The following TMCO5A variants were observed in gnomAD, a reference collection of about 807,000 sequenced individuals.
TMCO5A encodes transmembrane and coiled-coil domains 5A.
In TMCO5A, 34 loss-of-function variants were observed where a neutral mutation model predicts 42.3. That is an observed-to-expected ratio of 0.80 (90% CI 0.61 to 1.07). The LOEUF is 1.07. Among genes scored for constraint, TMCO5A ranks in the 50% least tolerant of loss-of-function variants. The pLI, the probability that TMCO5A is intolerant of heterozygous loss-of-function variation, is 0.00. For synonymous variants in TMCO5A, 131 were observed against 115.6 expected (o/e 1.13, Z -0.86); for missense variants, 357 against 327.9 (o/e 1.09, Z -0.69).
At chr15:37,994,110 T>C in the TMCO5A span, among the ~76,000 whole-genome samples, 1 of 152,178 alleles carries the variant, frequency 6.6e-6, no homozygotes, top group Non-Finnish European at 1.5e-5. Flanking sequence ...CCATCCAGTC[T>C]TTCTCTGCAG....
intron 11 of TMCO5A, chr15:37,966,522 A>AT: frequency 4.3e-6 from 3 of 699,046 alleles, no homozygotes; most frequent in Non-Finnish European, 7.8e-6. Flanking sequence ...TACCCACAAA[A>AT]TTTTTTTCAG....
intron 3 of TMCO5A, 100 bp from the exon 4 acceptor site, chr15:37,936,747 G>A (rs1889526870): frequency 6.6e-7 from 1 of 1,512,870 alleles, no homozygotes; most frequent in Non-Finnish European, 8.9e-7. Context: ...TGAGATTCAT[G>A]TACACTGTCC....
chr15:37,986,380 G>GGTGTGTGTGTGT, the TMCO5A span, among the ~76,000 whole-genome samples: 951 of 139,276 alleles, frequency 6.8e-3, 8 homozygotes, highest in African/African-American at 0.022. Flanking sequence ...GGTAAGGGAT[G>GGTGTGTGTGTGT]GTGTGTGTGT....
chr15:38,036,833 C>A, the TMCO5A span, among the ~76,000 whole-genome samples: 1 of 152,100 alleles, frequency 6.6e-6, no homozygotes, highest in Non-Finnish European at 1.5e-5. Flanking sequence ...TCCTCCAGGT[C>A]AGGGACTAGT....
downstream of TMCO5A, among the ~76,000 whole-genome samples, chr15:37,968,941 G>A (rs1890620574): frequency 6.6e-6 from 1 of 151,946 alleles, no homozygotes; most frequent in South Asian, 2.1e-4. Flanking sequence ...CTCATGATTT[G>A]AGGAAAAAAG....
At chr15:38,012,696 G>A in the TMCO5A span, among the ~76,000 whole-genome samples, 1 of 152,184 alleles carries the variant, frequency 6.6e-6, no homozygotes, top group East Asian at 1.9e-4. Context: ...GCATAAAATT[G>A]TGATGAGGAG....
the TMCO5A span, among the ~76,000 whole-genome samples, chr15:37,981,753 GCA>G: frequency 6.6e-6 from 1 of 152,216 alleles, no homozygotes; most frequent in Non-Finnish European, 1.5e-5. Context: ...TTTTTATGTA[GCA>G]TGAGGTTACA....
intron 2 of TMCO5A, 184 bp from the exon 3 acceptor site, chr15:37,936,130 C>A: frequency 1.7e-6 from 1 of 576,896 alleles, no homozygotes. Flanking sequence ...GCTGACTGAG[C>A]TGCGAATTAT....
intron 11 of TMCO5A, among the ~76,000 whole-genome samples, chr15:37,958,331 A>G (rs1247193063): frequency 6.6e-6 from 1 of 152,160 alleles, no homozygotes; most frequent in Non-Finnish European, 1.5e-5. Flanking sequence ...AAATTTTTGC[A>G]ATCTATCTAT....
downstream of TMCO5A, among the ~76,000 whole-genome samples, chr15:37,969,308 A>G (rs1185909456): frequency 6.6e-6 from 1 of 152,234 alleles, no homozygotes; most frequent in East Asian, 1.9e-4. Flanking sequence ...AGTATCCCCA[A>G]AAATGAGCAA....
chr15:38,033,437 A>G, the TMCO5A span, among the ~76,000 whole-genome samples: 1,270 of 152,332 alleles, frequency 8.3e-3, 15 homozygotes, highest in Middle Eastern at 0.014. Flanking sequence ...TTACAGTTAA[A>G]GAAATGGACA....
chr15:37,998,816 T>C, the TMCO5A span, among the ~76,000 whole-genome samples: 2,321 of 152,318 alleles, frequency 0.015, 65 homozygotes, highest in African/African-American at 0.052. Flanking sequence ...ATATTGATTC[T>C]TCCAATCCAT....
chr15:38,020,830 A>G, the TMCO5A span, among the ~76,000 whole-genome samples: 1 of 152,154 alleles, frequency 6.6e-6, no homozygotes, highest in African/African-American at 2.4e-5. Flanking sequence ...AACAAAAATA[A>G]TCATAGTATT....
At chr15:37,962,364 A>G (rs1485257066) in intron 11 of TMCO5A, among the ~76,000 whole-genome samples, 2 of 152,156 alleles carry the variant, frequency 1.3e-5, no homozygotes, top group African/African-American at 2.4e-5. Context: ...ATATTAAACC[A>G]TCTCTGCATC....
chr15:37,973,957 G>T, the TMCO5A span, among the ~76,000 whole-genome samples: 1 of 151,998 alleles, frequency 6.6e-6, no homozygotes, highest in African/African-American at 2.4e-5. Context: ...GTGTATCAAG[G>T]GTTTTTAACA....
chr15:38,012,156 C>A, the TMCO5A span, among the ~76,000 whole-genome samples: 1 of 150,452 alleles, frequency 6.6e-6, no homozygotes, highest in Admixed American at 6.6e-5. Context: ...AGAATGGCTT[C>A]TTCTATGTGG....
At chr15:37,962,703 C>G (rs1890459731) in intron 11 of TMCO5A, among the ~76,000 whole-genome samples, 1 of 151,960 alleles carries the variant, frequency 6.6e-6, no homozygotes, top group Admixed American at 6.6e-5. Context: ...TTCAAATTGC[C>G]ATTTCTATCT....
At chr15:37,975,020 G>T in the TMCO5A span, among the ~76,000 whole-genome samples, 179 of 152,284 alleles carry the variant, frequency 1.2e-3, 3 homozygotes, top group African/African-American at 4.1e-3. Context: ...TTAGGAGCAG[G>T]TTGTTTAATT....
chr15:38,001,299 T>C, the TMCO5A span, among the ~76,000 whole-genome samples: 31,026 of 152,010 alleles, frequency 0.2, 7,067 homozygotes, highest in African/African-American at 0.56. Context: ...AAATCTATTT[T>C]GTATGATATA....
Sources: allele counts gnomAD v4.1 joint callset (sites outside exome capture counted in the v4.1 genomes callset), GRCh38; gene constraint gnomAD v4.1.1; transcripts MANE v1.5; gene names NCBI Gene and HGNC (gene_info 2026-07-23, HGNC 2026-07-21).